ZBTB20: variants seen among roughly 807,000 people sequenced by gnomAD.
ZBTB20 encodes the protein zinc finger and BTB domain containing 20.
ZBTB20 carries 9 observed loss-of-function variants against 56.9 expected under a neutral mutation model. The observed-to-expected ratio is 0.16, with a 90% CI of 0.10 to 0.28. The LOEUF (loss-of-function observed/expected upper bound fraction) is 0.28, where lower values mean the gene tolerates loss of function less well. ZBTB20 is among the 10% of genes least tolerant of loss of function. ZBTB20 has a pLI of 1.00. For missense variants in ZBTB20, 655 were observed against 1,003.0 expected (o/e 0.65, Z 4.69); for synonymous variants, 417 against 420.7 (o/e 0.99, Z 0.11).
At position 114,604,614 on chromosome 3, in the gene ZBTB20, G is replaced by A. The variant is rs562821050; in HGVS notation, c.-295+88914C>T. Among the ~76,000 whole-genome samples the A allele has an allele frequency of 4.6e-5, 7 of 152,088 alleles. No homozygotes were observed. In the South Asian group the frequency reaches 1.5e-3, roughly 32 times the overall value. ...CATAGCAATGATAAAAATGGTTCCT[G>A]AGCTCCATAAATTTCTCCCAACTTT... On this transcript the variant is annotated intron_variant, in intron 6 of 11. Transcript: ENST00000675478.
intron 7 of ZBTB20, among the ~76,000 whole-genome samples, chr3:114,449,081 T>C (rs2091445256): frequency 6.6e-6 from 1 of 152,168 alleles, no homozygotes; most frequent in African/African-American, 2.4e-5. Context: ...TCTTTCTTTT[T>C]CTTTCTTTCT....
chr3:114,329,735 A>AAAAAC lies in ZBTB20; in HGVS notation c.*9269_*9270insGTTTT, dbSNP rs1553785009. Reference sequence around the variant, plus strand: ...AAAAAAAAAAAAAAAAAAAAAAAAAAAACAACTCCCAGGAAAATGAACACT... The same window carrying AAAAAC: ...AAAAAAAAAAAAAAAAAAAAAAAAAAAAAACAACAACTCCCAGGAAAATGAACACT... On this transcript the variant is annotated 3_prime_UTR_variant, in exon 12 of 12. Transcript: ENST00000675478. 7 of 138,682 alleles carry AAAAAC rather than the reference A, an allele frequency of 5.0e-5. No homozygotes were observed. The highest frequency in any genetic ancestry group is 9.1e-5 in the African/African-American group (3 of 32,938). The allele number at this position is 138,682 out of a possible 1,614,324, so 8.6% of individuals were successfully genotyped here.
At chr3:114,646,935 A>C (rs1054480026) in intron 6 of ZBTB20, among the ~76,000 whole-genome samples, 1 of 152,028 alleles carries the variant, frequency 6.6e-6, no homozygotes, top group Admixed American at 6.6e-5. Flanking sequence ...TACTTAATCA[A>C]GGCAGTTTTA....
intron 6 of ZBTB20, among the ~76,000 whole-genome samples, chr3:114,503,431 T>C (rs1008427966): frequency 6.6e-6 from 1 of 152,220 alleles, no homozygotes; most frequent in Non-Finnish European, 1.5e-5. Context: ...TGAATTATAA[T>C]CTGCTATGTA....
At chr3:114,460,197 G>A (rs186647982) in intron 7 of ZBTB20, among the ~76,000 whole-genome samples, 80 of 151,954 alleles carry the variant, frequency 5.3e-4, no homozygotes, top group Non-Finnish European at 1.0e-3. Context: ...TTTTACTGAC[G>A]GAACTCTTAA....
At chr3:115,090,140 A>C (rs1650004330) in intron 1 of ZBTB20, among the ~76,000 whole-genome samples, 1 of 151,802 alleles carries the variant, frequency 6.6e-6, no homozygotes, top group Admixed American at 6.6e-5. Context: ...GTGTATTTTA[A>C]AAGCCCTTGG....
rs759501703 is a variant in ZBTB20, at chr3:114,351,490, G to T, written c.588C>A (p.Asn196Lys). Residue 196 changes from asparagine (N) to lysine (K), a missense_variant, in exon 11 of 12, where the codon AAC (asparagine) becomes AAA (lysine). Physicochemically the swap from Asn to Lys is moderately conservative, Grantham distance 94 (BLOSUM62 0). Transcript: ENST00000675478. ...IDECTRIVSQ[N>K]VGDVFPGIQD... ...GGATCCCCGGGAACACATCGCCCAC[G>T]TTCTGTGACACGATGCGCGTGCACT... The T allele has an allele frequency of 6.2e-7, 1 of 1,613,950 alleles. No individual in the cohort carries two copies.
chr3:114,471,578 T>C (rs1030827980), intron 7 of ZBTB20, among the ~76,000 whole-genome samples: 2 of 152,176 alleles, frequency 1.3e-5, no homozygotes, highest in Non-Finnish European at 1.5e-5. Flanking sequence ...TCATGTCACA[T>C]TGAAAGTACA....
intron 1 of ZBTB20, among the ~76,000 whole-genome samples, chr3:115,077,012 G>GC (rs771769928): frequency 2.6e-5 from 4 of 152,138 alleles, no homozygotes; most frequent in African/African-American, 4.8e-5. Flanking sequence ...CAGAGCTCAG[G>GC]CGGTAATGCT....
At chr3:114,820,429 T>C (rs1232283138) in intron 4 of ZBTB20, among the ~76,000 whole-genome samples, 1 of 152,054 alleles carries the variant, frequency 6.6e-6, no homozygotes, top group Non-Finnish European at 1.5e-5. Flanking sequence ...GAAACACCCA[T>C]ACACTTGGAA....
At chr3:114,467,385 G>T (rs905876272) in intron 7 of ZBTB20, among the ~76,000 whole-genome samples, 1 of 152,168 alleles carries the variant, frequency 6.6e-6, no homozygotes, top group Non-Finnish European at 1.5e-5. Context: ...AGGGAGGATG[G>T]ATGAAAGATC....
At chr3:114,689,671 A>T (rs1043071184) in intron 6 of ZBTB20, among the ~76,000 whole-genome samples, 2 of 152,184 alleles carry the variant, frequency 1.3e-5, no homozygotes, top group African/African-American at 4.8e-5. Context: ...TAGAATGATG[A>T]GGCATTGATG....
chr3:114,604,776 C>T (rs2057017939), intron 6 of ZBTB20, among the ~76,000 whole-genome samples: 1 of 151,966 alleles, frequency 6.6e-6, no homozygotes, highest in South Asian at 2.1e-4. Context: ...TGTTATTAAA[C>T]AGTTATTCCT....
intron 4 of ZBTB20, among the ~76,000 whole-genome samples, chr3:114,821,456 T>C (rs1489314978): frequency 6.6e-6 from 1 of 152,142 alleles, no homozygotes; most frequent in Non-Finnish European, 1.5e-5. Flanking sequence ...CTACTGTGCA[T>C]GGATCTCTCT....
chr3:114,672,218 A>T (rs887931936), intron 6 of ZBTB20, among the ~76,000 whole-genome samples: 12 of 152,238 alleles, frequency 7.9e-5, no homozygotes, highest in African/African-American at 2.9e-4. Context: ...TCTCTTTTAG[A>T]AATGGAGTAA....
At chr3:114,778,460 G>A (rs1001325240) in intron 5 of ZBTB20, among the ~76,000 whole-genome samples, 2 of 151,564 alleles carry the variant, frequency 1.3e-5, no homozygotes, top group Admixed American at 6.6e-5. Context: ...CTAGTTCATC[G>A]TTAAAAACAC....
intron 5 of ZBTB20, among the ~76,000 whole-genome samples, chr3:114,760,712 T>C (rs2068373333): frequency 6.6e-6 from 1 of 152,196 alleles, no homozygotes; most frequent in African/African-American, 2.4e-5. Flanking sequence ...GTAACATACA[T>C]GTCTTTCTCA....
intron 1 of ZBTB20, among the ~76,000 whole-genome samples, chr3:115,142,290 A>C (rs1166686398): frequency 6.6e-6 from 1 of 152,142 alleles, no homozygotes; most frequent in African/African-American, 2.4e-5. Context: ...ACATCGATCA[A>C]CCATCCTTAC....
intron 7 of ZBTB20, among the ~76,000 whole-genome samples, chr3:114,456,582 C>T (rs1194460922): frequency 6.6e-6 from 1 of 152,100 alleles, no homozygotes; most frequent in African/African-American, 2.4e-5. Flanking sequence ...TATGTACAAC[C>T]TTTCCAATAT....
Sources: allele counts gnomAD v4.1 joint callset (sites outside exome capture counted in the v4.1 genomes callset), GRCh38; gene constraint gnomAD v4.1.1; transcripts MANE v1.5; gene names NCBI Gene and HGNC (gene_info 2026-07-23, HGNC 2026-07-21).